TSPAN7: variants seen among roughly 807,000 people sequenced by gnomAD.
TSPAN7 encodes the protein tetraspanin-7.
In TSPAN7, 1 loss-of-function variant was observed where a neutral mutation model predicts 17.6. That is an observed-to-expected ratio of 0.06 (90% CI 0.02 to 0.27). The LOEUF (loss-of-function observed/expected upper bound fraction) is 0.27. Ranked by LOEUF, TSPAN7 falls within the 10% of genes least tolerant of loss-of-function variation. The probability of loss-of-function intolerance (pLI) is 1.00; values close to 1 mark genes in which losing one functional copy is unlikely to be tolerated. For missense variants in TSPAN7, 112 were observed against 201.7 expected (o/e 0.56, Z 2.69); for synonymous variants, 78 against 79.0 (o/e 0.99, Z 0.07).
intron 6 of TSPAN7, among the ~76,000 whole-genome samples, chrX:38,683,580 C>G (rs1205325327): frequency 8.9e-6 from 1 of 112,905 alleles, no homozygotes; most frequent in Non-Finnish European, 1.9e-5. Context: ...CCAGGCAGGT[C>G]CAGCAGGGCA....
chrX:38,641,740 G>C (rs2069612919), intron 1 of TSPAN7, among the ~76,000 whole-genome samples: 1 of 111,650 alleles, frequency 9.0e-6, no homozygotes, highest in African/African-American at 3.3e-5. Context: ...TCTTCATTTT[G>C]CAGATTGGAG....
chrX:38,673,102 T>C (rs1385596729), intron 3 of TSPAN7, among the ~76,000 whole-genome samples: 1 of 111,939 alleles, frequency 8.9e-6, no homozygotes, highest in Non-Finnish European at 1.9e-5. Context: ...AACTGTCCCA[T>C]GGACATAGTT....
At chrX:38,681,650 C>T (rs1936666999) in intron 6 of TSPAN7, among the ~76,000 whole-genome samples, 1 of 111,500 alleles carries the variant, frequency 9.0e-6, no homozygotes, top group Non-Finnish European at 1.9e-5. Flanking sequence ...CCTGATTGAC[C>T]TAACCCTTTT....
intron 6 of TSPAN7, among the ~76,000 whole-genome samples, chrX:38,683,380 T>A (rs1267702683): frequency 1.8e-5 from 2 of 112,969 alleles, no homozygotes; most frequent in Non-Finnish European, 3.7e-5. Context: ...ATCTGTGATT[T>A]GTGAATTGTT....
chrX:38,633,728 G>C (rs2069563588), intron 1 of TSPAN7, among the ~76,000 whole-genome samples: 1 of 112,193 alleles, frequency 8.9e-6, no homozygotes, highest in East Asian at 2.8e-4. Context: ...TTATAGATTA[G>C]TGTCATTTGG....
At chrX:38,583,236 C>T (rs959086210) in intron 1 of TSPAN7, among the ~76,000 whole-genome samples, 9 of 112,459 alleles carry the variant, frequency 8.0e-5, no homozygotes, top group African/African-American at 2.9e-4. Flanking sequence ...AGTTCCTCTG[C>T]TTAGCGAATC....
chrX:38,668,563 T>G (rs1218332467), intron 2 of TSPAN7, among the ~76,000 whole-genome samples: 2 of 112,213 alleles, frequency 1.8e-5, no homozygotes, highest in Non-Finnish European at 3.8e-5. Context: ...TTATTAGTCT[T>G]TTCTTTCCCT....
intron 5 of TSPAN7, among the ~76,000 whole-genome samples, chrX:38,678,052 G>T: frequency 8.9e-6 from 1 of 112,392 alleles, no homozygotes; most frequent in East Asian, 2.8e-4. Flanking sequence ...TGAGAAACCT[G>T]TCTTGTACAG....
At chrX:38,620,687 C>A (rs1474332964) in intron 1 of TSPAN7, among the ~76,000 whole-genome samples, 1 of 111,622 alleles carries the variant, frequency 9.0e-6, no homozygotes, top group Non-Finnish European at 1.9e-5. Context: ...GGATCAAACC[C>A]AGTTCTGAAA....
intron 1 of TSPAN7, among the ~76,000 whole-genome samples, chrX:38,661,254 A>C (rs2069742698): frequency 8.9e-6 from 1 of 112,727 alleles, no homozygotes; most frequent in Non-Finnish European, 1.9e-5. Context: ...GTTTCAGAGC[A>C]TTTTGGATAC....
intron 1 of TSPAN7, among the ~76,000 whole-genome samples, chrX:38,589,899 T>C (rs757518441): frequency 8.9e-6 from 1 of 112,368 alleles, no homozygotes; most frequent in Non-Finnish European, 1.9e-5. Context: ...GCTATGATGC[T>C]ATAGAGTAGG....
intron 1 of TSPAN7, among the ~76,000 whole-genome samples, chrX:38,575,040 A>G (rs1166317550): frequency 1.8e-5 from 2 of 111,655 alleles, no homozygotes; most frequent in Admixed American, 9.6e-5. Context: ...TGAAGAATCA[A>G]ACTTTTATGT....
chrX:38,636,372 G>A (rs2069579761), intron 1 of TSPAN7, among the ~76,000 whole-genome samples: 3 of 112,313 alleles, frequency 2.7e-5, no homozygotes, highest in East Asian at 5.6e-4. Flanking sequence ...AAAATTGCAA[G>A]TTACTTTCTG....
At chrX:38,617,115 C>T (rs923690984) in intron 1 of TSPAN7, among the ~76,000 whole-genome samples, 3 of 111,889 alleles carry the variant, frequency 2.7e-5, no homozygotes, top group African/African-American at 9.8e-5. Flanking sequence ...AAAACTTTAT[C>T]TACAAAGAGC....
At chrX:38,671,198 C>T (rs2069819254) in intron 2 of TSPAN7, among the ~76,000 whole-genome samples, 178 bp from the exon 3 acceptor site, 1 of 112,324 alleles carries the variant, frequency 8.9e-6, no homozygotes, top group Admixed American at 9.4e-5. Flanking sequence ...ACACACATTC[C>T]TAGATTGAGG....
intron 6 of TSPAN7, among the ~76,000 whole-genome samples, chrX:38,684,868 T>G (rs1301245714): frequency 8.9e-6 from 1 of 111,827 alleles, no homozygotes; most frequent in Non-Finnish European, 1.9e-5. Flanking sequence ...CCTCTTCACC[T>G]GGCTTGCTGT....
At chrX:38,630,746 G>C (rs768055242) in intron 1 of TSPAN7, among the ~76,000 whole-genome samples, 1 of 111,201 alleles carries the variant, frequency 9.0e-6, no homozygotes, top group Non-Finnish European at 1.9e-5. Flanking sequence ...TGTGATCTGG[G>C]ATAGATCCAG....
intron 1 of TSPAN7, among the ~76,000 whole-genome samples, chrX:38,651,050 C>CATATATATATATATATATATATATAT (rs34201318): frequency 8.2e-5 from 8 of 98,129 alleles, no homozygotes; most frequent in African/African-American, 2.7e-4. Flanking sequence ...AATGTGATTA[C>CATATATATATATATATATATATATAT]ATATATATAT....
At chrX:38,638,297 C>T (rs149059504) in intron 1 of TSPAN7, among the ~76,000 whole-genome samples, 1,167 of 112,292 alleles carry the variant, frequency 0.01, 10 homozygotes, top group African/African-American at 0.035. Context: ...AGGGCAGGCC[C>T]CCTATGGTAC....
Sources: allele counts gnomAD v4.1 joint callset (sites outside exome capture counted in the v4.1 genomes callset), GRCh38; gene constraint gnomAD v4.1.1; transcripts MANE v1.5; gene names NCBI Gene and HGNC (gene_info 2026-07-23, HGNC 2026-07-21).